Variants in CAMK2A observed in about 807,000 individuals in gnomAD.
CAMK2A encodes calcium/calmodulin dependent protein kinase II alpha.
In CAMK2A, 7 loss-of-function variants were observed where a neutral mutation model predicts 79.2. The ratio of observed to expected loss-of-function variants is 0.09; its 90% CI spans 0.05 to 0.17. The LOEUF is 0.17. CAMK2A is among the 10% of genes least tolerant of loss of function. The probability of loss-of-function intolerance (pLI) is 1.00; values close to 1 mark genes in which losing one functional copy is unlikely to be tolerated. For missense variants in CAMK2A, 214 were observed against 646.4 expected (o/e 0.33, Z 7.25); for synonymous variants, 242 against 251.7 (o/e 0.96, Z 0.36).
intron 17 of CAMK2A, among the ~76,000 whole-genome samples, chr5:150,226,809 T>G (rs1304473164): frequency 8.3e-5 from 12 of 144,602 alleles, no homozygotes; most frequent in Admixed American, 1.4e-4. Context: ...TTGTTTTTTG[T>G]GTTTTTTTTG....
In CAMK2A at chr5:150,235,922, G is replaced by A. The variant is rs1456261528; in HGVS notation, c.1066+2778C>T. 2.0e-5 allele frequency among the ~76,000 whole-genome samples: 3 copies of A among 152,178 alleles called. No individual in the cohort carries two copies. The East Asian group carries it at 5.8e-4, about 29-fold the overall frequency. On this transcript the variant is annotated intron_variant, in intron 15 of 18. Transcript: ENST00000671881. ...TCTTTCCTGCCAAACACGGGGAGAA[G>A]CTCCTGGCTGACCGTTTCTTCCATC...
intron 1 of CAMK2A, among the ~76,000 whole-genome samples, chr5:150,280,697 C>T (rs1183629809): frequency 6.6e-6 from 1 of 152,160 alleles, no homozygotes; most frequent in Non-Finnish European, 1.5e-5. Flanking sequence ...TTGCCTGCCC[C>T]ACCCCAGGTA....
At chr5:150,240,241 G>A (rs1043937465) in intron 13 of CAMK2A, among the ~76,000 whole-genome samples, 3 of 152,174 alleles carry the variant, frequency 2.0e-5, no homozygotes, top group African/African-American at 7.2e-5. Flanking sequence ...ACAATAAACA[G>A]AATCAGGTCC....
chr5:150,257,391 TG>T (rs1756103694), intron 4 of CAMK2A, among the ~76,000 whole-genome samples, 171 bp downstream of exon 4: 2 of 151,966 alleles, frequency 1.3e-5, no homozygotes, highest in South Asian at 4.1e-4. Context: ...AAGCTAAAAG[TG>T]TTTGTTGGTG....
chr5:150,272,427 C>A (rs1350811776), intron 2 of CAMK2A, among the ~76,000 whole-genome samples: 1 of 152,032 alleles, frequency 6.6e-6, no homozygotes, highest in African/African-American at 2.4e-5. Flanking sequence ...AAAAAATTAG[C>A]CGGGCATGGC....
intron 3 of CAMK2A, among the ~76,000 whole-genome samples, chr5:150,261,256 A>G (rs542025304): frequency 6.6e-6 from 1 of 152,300 alleles, no homozygotes; most frequent in African/African-American, 2.4e-5. Flanking sequence ...CACACACGTG[A>G]TGGTACTAGA....
At position 150,220,242 on chromosome 5, in the gene CAMK2A, G is replaced by C. The variant is rs1203289348; in HGVS notation, c.*2468C>G. The stretch of plus-strand genomic sequence containing the variant: ...GAACTTGCCCAAGGTCACACAGCAA[G>C]TCTGGTCAGAGCTGGGAATTGAAGC... On this transcript the variant is annotated 3_prime_UTR_variant, in exon 19 of 19. Coordinates refer to ENST00000671881, the MANE Select transcript of CAMK2A (RefSeq NM_015981.4). The C allele has an allele frequency of 6.6e-6, 1 of 152,278 alleles. No individual in the cohort carries two copies. The highest frequency in any genetic ancestry group is 1.5e-5 in the Non-Finnish European group (1 of 68,062). 9.4% of individuals were successfully genotyped at this position (152,278 alleles called of 1,614,324 possible). A position where few individuals can be genotyped will look rare whatever the true frequency, so the allele number is the denominator to read the frequency against.
intron 13 of CAMK2A, among the ~76,000 whole-genome samples, chr5:150,242,775 C>T (rs928185079): frequency 2.6e-5 from 4 of 152,184 alleles, no homozygotes; most frequent in Admixed American, 6.5e-5. Flanking sequence ...CCCCCAGCTC[C>T]GCCATTCTCC....
At chr5:150,288,010 A>G (rs556874175) in intron 1 of CAMK2A, among the ~76,000 whole-genome samples, 1 of 146,742 alleles carries the variant, frequency 6.8e-6, no homozygotes, top group South Asian at 2.2e-4. Context: ...TCACAGGGCC[A>G]CCTCCCACAC....
At chr5:150,269,991 G>A (rs1238929364) in intron 2 of CAMK2A, among the ~76,000 whole-genome samples, 1 of 152,152 alleles carries the variant, frequency 6.6e-6, no homozygotes, top group Non-Finnish European at 1.5e-5. Context: ...TGCTCGAGCT[G>A]GAGAGTGGGG....
At chr5:150,245,285 C>T in intron 12 of CAMK2A, 84 bp from the exon 13 acceptor site, 1 of 1,349,582 alleles carries the variant, frequency 7.4e-7, no homozygotes, top group Non-Finnish European at 1.1e-6. Context: ...CATCCACACG[C>T]AGCCGGAGGG....
At position 150,253,433 on chromosome 5, in the gene CAMK2A, A is replaced by C. The variant is rs550458929; in HGVS notation, c.514+11T>G. Reference sequence around the variant, plus strand: ...TGACCCCCAACACTTCTGCCAGCCCACCCCACTTACCAAACCATGCCTGCT... The same window carrying C: ...TGACCCCCAACACTTCTGCCAGCCCCCCCCACTTACCAAACCATGCCTGCT... On this transcript the variant is annotated intron_variant, in intron 7 of 18. Transcript: ENST00000671881. 1 of 1,606,402 alleles carries C rather than the reference A, an allele frequency of 6.2e-7. No individual in the cohort carries two copies. Among genetic ancestry groups the C allele is most frequent in the Non-Finnish European group, 8.5e-7 (1 of 1,173,232 alleles).
At chr5:150,262,797 T>C (rs1756353253) in intron 3 of CAMK2A, among the ~76,000 whole-genome samples, 1 of 152,136 alleles carries the variant, frequency 6.6e-6, no homozygotes, top group Admixed American at 6.6e-5. Flanking sequence ...AGGAGGATAC[T>C]GAGGCTAAGA....
intron 3 of CAMK2A, among the ~76,000 whole-genome samples, chr5:150,260,010 CA>C (rs1390686800): frequency 6.6e-6 from 1 of 152,020 alleles, no homozygotes; most frequent in Non-Finnish European, 1.5e-5. Flanking sequence ...TTCAAACATA[CA>C]GTTAAGTGAA....
chr5:150,256,072 T>G lies in CAMK2A; in HGVS notation c.411+501A>C, dbSNP rs1029738132. 2.0e-5 allele frequency among the ~76,000 whole-genome samples: 3 copies of G among 152,126 alleles called. No homozygotes were observed. Among genetic ancestry groups the G allele is most frequent in the African/African-American group, 7.2e-5 (3 of 41,436 alleles). ...CGGGCCTAGAGTCTGGTTTTTCTTC[T>G]CCCCTGGCCTGCCAGAGATGCAGGA... is the stretch of plus-strand genomic sequence containing the variant. On this transcript the variant is annotated intron_variant, in intron 6 of 18. Transcript: ENST00000671881. This position sits in a 1 kb window ranked among gnomAD's most constrained non-coding sequence, Gnocchi z 4.6.
intron 1 of CAMK2A, among the ~76,000 whole-genome samples, chr5:150,281,525 C>A (rs1757215857): frequency 6.6e-6 from 1 of 152,206 alleles, no homozygotes; most frequent in Admixed American, 6.5e-5. Context: ...GAAGTCCACC[C>A]CCTCCTATTC....
At chr5:150,230,170 T>A (rs1249011889) in intron 16 of CAMK2A, among the ~76,000 whole-genome samples, 1 of 151,764 alleles carries the variant, frequency 6.6e-6, no homozygotes, top group Admixed American at 6.6e-5. Context: ...ATACAAAAAT[T>A]AGCTGGGCGT....
At chr5:150,230,250 G>A (rs139451401) in intron 16 of CAMK2A, among the ~76,000 whole-genome samples, 3,899 of 149,954 alleles carry the variant, frequency 0.026, 155 homozygotes, top group African/African-American at 0.09. Flanking sequence ...CCCGGGAGAC[G>A]GAGGTTGCAG....
At chr5:150,278,703 G>A (rs1425718765) in intron 1 of CAMK2A, among the ~76,000 whole-genome samples, 1 of 152,178 alleles carries the variant, frequency 6.6e-6, no homozygotes, top group Non-Finnish European at 1.5e-5. Context: ...ATTCCTCGAG[G>A]GGTGTAGGGG....
Sources: gnomAD v4.1 joint callset for allele counts (sites outside exome capture counted in the v4.1 genomes callset) on GRCh38, gnomAD v4.1.1 for gene constraint, Gnocchi (gnomAD v3.1) non-coding constraint, MANE v1.5 for transcripts, NCBI Gene and HGNC (gene_info 2026-07-23, HGNC 2026-07-21) for gene names.